CSMD1: variants seen among roughly 807,000 people sequenced by gnomAD.
The protein encoded by CSMD1 is CUB and sushi domain-containing protein 1.
In CSMD1, 213 loss-of-function variants were observed where a neutral mutation model predicts 417.5. The observed-to-expected ratio is 0.51, with a 90% CI of 0.46 to 0.57. The LOEUF is 0.57. Among genes scored for constraint, CSMD1 ranks in the 20% least tolerant of loss-of-function variants. CSMD1 has a pLI of 0.00. For missense variants in CSMD1, 6,923 were observed against 4,529.7 expected (o/e 1.53, Z -15.17); for synonymous variants, 2,862 against 1,736.8 (o/e 1.65, Z -16.11).
intron 4 of CSMD1, among the ~76,000 whole-genome samples, chr8:4,021,370 G>A (rs960930083): frequency 6.6e-6 from 1 of 152,180 alleles, no homozygotes; most frequent in African/African-American, 2.4e-5. Flanking sequence ...GTCGCATCTG[G>A]GGATTTTTAA....
intron 5 of CSMD1, among the ~76,000 whole-genome samples, chr8:3,847,563 C>T (rs1316511462): frequency 6.6e-6 from 1 of 152,104 alleles, no homozygotes; most frequent in African/African-American, 2.4e-5. Context: ...TCCTTGACTG[C>T]TGCTTCTTGA....
intron 8 of CSMD1, among the ~76,000 whole-genome samples, chr8:3,589,762 GA>G (rs1800767742): frequency 6.6e-6 from 1 of 152,228 alleles, no homozygotes; most frequent in South Asian, 2.1e-4. Context: ...TTGTCACCAT[GA>G]AAAATGACAA....
intron 10 of CSMD1, among the ~76,000 whole-genome samples, chr8:3,506,363 C>A (rs529806107): frequency 2.4e-4 from 37 of 152,280 alleles, no homozygotes; most frequent in African/African-American, 8.9e-4. Context: ...TGCATGCTAA[C>A]AAGAACACTG....
At chr8:3,444,409 A>G (rs1274695628) in intron 12 of CSMD1, among the ~76,000 whole-genome samples, 1 of 152,244 alleles carries the variant, frequency 6.6e-6, no homozygotes, top group South Asian at 2.1e-4. Flanking sequence ...ACTGTTTTAA[A>G]TTCATGAGTT....
chr8:3,516,701 T>A (rs893646823), intron 10 of CSMD1, among the ~76,000 whole-genome samples: 1 of 152,148 alleles, frequency 6.6e-6, no homozygotes, highest in African/African-American at 2.4e-5. Flanking sequence ...ATGAGAAAGT[T>A]CTTTGGTGGA....
At chr8:3,930,824 T>G (rs1810089046) in intron 5 of CSMD1, among the ~76,000 whole-genome samples, 1 of 150,700 alleles carries the variant, frequency 6.6e-6, no homozygotes, top group South Asian at 2.1e-4. Context: ...AATTTGCACT[T>G]AAAACAAAAT....
intron 11 of CSMD1, among the ~76,000 whole-genome samples, chr8:3,478,734 A>T (rs968627681): frequency 2.0e-5 from 3 of 152,222 alleles, no homozygotes; most frequent in African/African-American, 7.2e-5. Context: ...AAATGGATGT[A>T]AGAGCCACAC....
intron 1 of CSMD1, among the ~76,000 whole-genome samples, chr8:4,952,420 T>C (rs1023109053): frequency 6.6e-5 from 10 of 152,068 alleles, no homozygotes; most frequent in Non-Finnish European, 1.0e-4. Context: ...TGGAAGAGTC[T>C]ATATTAGTGA....
chr8:3,903,254 G>A (rs778390290), intron 5 of CSMD1, among the ~76,000 whole-genome samples: 32 of 151,920 alleles, frequency 2.1e-4, no homozygotes, highest in Non-Finnish European at 3.4e-4. Context: ...TGCCATGTCG[G>A]GTCAGAACTG....
At chr8:4,222,913 A>G (rs2128809262) in intron 3 of CSMD1, among the ~76,000 whole-genome samples, 1 of 152,330 alleles carries the variant, frequency 6.6e-6, no homozygotes, top group East Asian at 1.9e-4. Context: ...AAGTTATGCA[A>G]AGCGTTTATA....
chr8:3,277,581 C>G (rs1802396860), intron 26 of CSMD1, among the ~76,000 whole-genome samples: 2 of 152,146 alleles, frequency 1.3e-5, no homozygotes, highest in Admixed American at 1.3e-4. Context: ...CAGCCTGAGC[C>G]ACTGGCAGGA....
intron 1 of CSMD1, among the ~76,000 whole-genome samples, chr8:4,732,180 A>G (rs889729712): frequency 6.6e-6 from 1 of 152,162 alleles, no homozygotes; most frequent in Non-Finnish European, 1.5e-5. Flanking sequence ...AGCGTTCGGT[A>G]GCAGACCGCA....
rs140433414 is a variant in CSMD1 at position 4,622,156 on chromosome 8, GA to G, written c.302+15185del. On this transcript the variant is annotated intron_variant, in intron 2 of 69. Transcript: ENST00000635120. ...TAATTTATAGAAGATTAAACGCAAAGAGGGGTAAAGAGAATTAAAAAAAAAA... is the reference window on the plus strand; with the variant it reads ...TAATTTATAGAAGATTAAACGCAAAGGGGGTAAAGAGAATTAAAAAAAAAA... Among the ~76,000 whole-genome samples the G allele has an allele frequency of 3.8e-3, 560 of 147,808 alleles. 2 individuals are homozygous for G. The highest frequency in any genetic ancestry group is 0.014 in the African/African-American group (539 of 39,362).
chr8:3,457,481 C>A (rs1488301498), intron 12 of CSMD1, among the ~76,000 whole-genome samples: 1 of 152,202 alleles, frequency 6.6e-6, no homozygotes, highest in African/African-American at 2.4e-5. Flanking sequence ...AAGAGGTGAT[C>A]TAAAAGAAAC....
At chr8:4,317,642 A>T (rs1230403783) in intron 3 of CSMD1, among the ~76,000 whole-genome samples, 1 of 152,040 alleles carries the variant, frequency 6.6e-6, no homozygotes, top group Admixed American at 6.6e-5. Flanking sequence ...AGACAATTTT[A>T]TTTACTGACA....
intron 18 of CSMD1, among the ~76,000 whole-genome samples, chr8:3,376,482 T>G (rs1461740795): frequency 1.3e-5 from 2 of 152,038 alleles, no homozygotes; most frequent in Admixed American, 1.3e-4. Flanking sequence ...TTTACAATGT[T>G]AAATATAAAA....
intron 20 of CSMD1, among the ~76,000 whole-genome samples, chr8:3,363,336 G>A (rs1222853664): frequency 6.6e-6 from 1 of 152,098 alleles, no homozygotes; most frequent in Non-Finnish European, 1.5e-5. Flanking sequence ...GACAAATACA[G>A]AAAAGTCATT....
At position 4,131,286 on chromosome 8, in the gene CSMD1, G is replaced by A. The variant is rs77676141; in HGVS notation, c.416-99187C>T. 3.6e-3 allele frequency among the ~76,000 whole-genome samples: 535 copies of A among 150,502 alleles called. 3 individuals carry two copies. Among genetic ancestry groups the A allele is most frequent in the Non-Finnish European group, 4.8e-3 (326 of 67,460 alleles). ...ATGAACTGTAGGAACTGAAGAGGCTGAATCTACACAGAGCTTCCTGTAATG... is the reference window on the plus strand; with the variant it reads ...ATGAACTGTAGGAACTGAAGAGGCTAAATCTACACAGAGCTTCCTGTAATG... On this transcript the variant is annotated intron_variant, in intron 3 of 69. Coordinates refer to ENST00000635120, the MANE Select transcript of CSMD1 (RefSeq NM_033225.6).
chr8:3,980,349 G>C lies in CSMD1; in HGVS notation c.818+17554C>G, dbSNP rs187320282. ...CCGGAAGCAGTTCTGAGATAATCCTGAATTTCAGCTTTAACGCGGTATTTT... is the reference window on the plus strand; with the variant it reads ...CCGGAAGCAGTTCTGAGATAATCCTCAATTTCAGCTTTAACGCGGTATTTT... On this transcript the variant is annotated intron_variant, in intron 5 of 69. Coordinates refer to ENST00000635120, the MANE Select transcript of CSMD1 (RefSeq NM_033225.6). Among the ~76,000 whole-genome samples the C allele has an allele frequency of 3.3e-5, 5 of 150,950 alleles. No homozygotes were observed. In the East Asian group the frequency reaches 8.0e-4, roughly 24 times the overall value.
Sources: allele counts gnomAD v4.1 joint callset (sites outside exome capture counted in the v4.1 genomes callset), GRCh38; gene constraint gnomAD v4.1.1; transcripts MANE v1.5; gene names NCBI Gene and HGNC (gene_info 2026-07-23, HGNC 2026-07-21).